Variants in RBMS3 observed in about 807,000 individuals in gnomAD.
RBMS3 encodes the protein RNA binding motif single stranded interacting protein 3.
In RBMS3, 27 loss-of-function variants were observed where a neutral mutation model predicts 66.8. The observed-to-expected ratio is 0.40, with a 90% CI of 0.30 to 0.56. RBMS3 has a LOEUF of 0.56. Ranked by LOEUF, RBMS3 falls within the 20% of genes least tolerant of loss-of-function variation. The probability of loss-of-function intolerance (pLI) is 0.40; values close to 1 mark genes in which losing one functional copy is unlikely to be tolerated. For synonymous variants in RBMS3, 188 were observed against 183.0 expected, an observed-to-expected ratio of 1.03 and a Z score of -0.22; for missense variants, 513 against 549.5, an observed-to-expected ratio of 0.93 and a Z score of 0.66.
chr3:29,835,756 G>A (rs1049339508), intron 6 of RBMS3, among the ~76,000 whole-genome samples: 7 of 151,492 alleles, frequency 4.6e-5, no homozygotes, highest in African/African-American at 1.7e-4. Flanking sequence ...TTTAGCAAAA[G>A]GAAGGAGATA....
intron 4 of RBMS3, among the ~76,000 whole-genome samples, chr3:29,599,301 A>C (rs1355298543): frequency 6.6e-6 from 1 of 151,806 alleles, no homozygotes; most frequent in Non-Finnish European, 1.5e-5. Context: ...TGGATACCCC[A>C]TTCTCCATGA....
At chr3:29,779,950 G>A (rs1027349970) in intron 6 of RBMS3, among the ~76,000 whole-genome samples, 8 of 150,572 alleles carry the variant, frequency 5.3e-5, no homozygotes, top group East Asian at 1.9e-4. Context: ...AGCACATAAC[G>A]GAATAATTAT....
chr3:29,984,591 G>GT (rs1418684607), intron 12 of RBMS3, among the ~76,000 whole-genome samples: 4 of 152,072 alleles, frequency 2.6e-5, no homozygotes, highest in Non-Finnish European at 4.4e-5. Flanking sequence ...CTTCAGATGG[G>GT]TTTTTTGTAT....
chr3:29,613,812 C>G (rs768740123), intron 4 of RBMS3, among the ~76,000 whole-genome samples: 15 of 151,890 alleles, frequency 9.9e-5, no homozygotes, highest in Non-Finnish European at 1.8e-4. Flanking sequence ...TCATACCTGT[C>G]AGAATGGCTA....
In RBMS3 at chr3:29,996,872, G is replaced by C. The variant is rs1395201678; in HGVS notation, c.1307+5663G>C. On this transcript the variant is annotated intron_variant, in intron 14 of 14. Coordinates refer to ENST00000383767, the MANE Select transcript of RBMS3 (RefSeq NM_001003793.3). ...AATTAAAAGAACTAGAAAAGCAAGAGCAAACACATTCAAAAGCTAGCAGAA... is the reference window on the plus strand; with the variant it reads ...AATTAAAAGAACTAGAAAAGCAAGACCAAACACATTCAAAAGCTAGCAGAA... Among the ~76,000 whole-genome samples the C allele has an allele frequency of 7.2e-5, 11 of 151,990 alleles. No individual in the cohort carries two copies. The South Asian group carries it at 2.3e-3, about 32-fold the overall frequency.
At chr3:29,331,815 CTT>C (rs11354452) in intron 1 of RBMS3, among the ~76,000 whole-genome samples, 18,335 of 70,304 alleles carry the variant, frequency 0.26, 1,770 homozygotes, top group Middle Eastern at 0.28. Flanking sequence ...AGGATAGCTC[CTT>C]TTTTTTTTTT....
At chr3:29,504,136 G>A (rs900340394) in intron 3 of RBMS3, among the ~76,000 whole-genome samples, 2 of 152,058 alleles carry the variant, frequency 1.3e-5, no homozygotes, top group African/African-American at 2.4e-5. Context: ...TAAGTTTAGA[G>A]AGGAAATTCT....
intron 4 of RBMS3, among the ~76,000 whole-genome samples, chr3:29,670,201 G>A (rs947977821): frequency 6.6e-6 from 1 of 152,140 alleles, no homozygotes; most frequent in Non-Finnish European, 1.5e-5. Context: ...AAATTCATGT[G>A]TTCCTTCCCC....
At chr3:29,400,899 T>A (rs2039779867) in intron 1 of RBMS3, among the ~76,000 whole-genome samples, 1 of 151,964 alleles carries the variant, frequency 6.6e-6, no homozygotes, top group African/African-American at 2.4e-5. Context: ...AACAGGAGAT[T>A]TTTGGACTGG....
intron 8 of RBMS3, 24 bp downstream of exon 8, chr3:29,884,232 T>A (rs1318223020): frequency 1.3e-6 from 2 of 1,588,466 alleles, no homozygotes; most frequent in Non-Finnish European, 1.7e-6. Context: ...ATTTTCTCTA[T>A]TTTAATTGTG....
chr3:29,380,536 T>A (rs143042137), intron 1 of RBMS3, among the ~76,000 whole-genome samples: 21 of 152,330 alleles, frequency 1.4e-4, no homozygotes, highest in East Asian at 1.3e-3. Flanking sequence ...ATTTTAATTA[T>A]CACAACAAGC....
Position 30,007,163 on chromosome 3 carries a change from A to T in RBMS3, c.*3301A>T. 1 of 152,116 alleles carries T rather than the reference A, an allele frequency of 6.6e-6. No homozygotes were observed. Among genetic ancestry groups the T allele is most frequent in the East Asian group, 1.9e-4 (1 of 5,200 alleles). The allele number at this position is 152,116 out of a possible 1,614,324, so 9.4% of individuals were successfully genotyped here. ...GAAAAAAAAGCATCAACAGGTAAGC[A>T]GCATTACATTGTGTGGTAATAAACC... On this transcript the variant is annotated 3_prime_UTR_variant, in exon 15 of 15. Transcript: ENST00000383767.
At chr3:29,571,814 T>A (rs2046962381) in intron 3 of RBMS3, among the ~76,000 whole-genome samples, 1 of 152,170 alleles carries the variant, frequency 6.6e-6, no homozygotes, top group Non-Finnish European at 1.5e-5. Context: ...GAGAAGAATG[T>A]CATTGGTATA....
intron 1 of RBMS3, 55 bp from the exon 2 acceptor site, chr3:29,434,688 C>G: frequency 6.4e-7 from 1 of 1,570,718 alleles, no homozygotes. Context: ...GTGCTGCTGG[C>G]CTGTGAATAG....
intron 3 of RBMS3, among the ~76,000 whole-genome samples, chr3:29,532,330 A>G (rs35908): frequency 0.34 from 49,345 of 144,662 alleles, 8,868 homozygotes; most frequent in Middle Eastern, 0.46. Flanking sequence ...TTAAGTTGGT[A>G]CGTCCTAAGA....
chr3:29,935,741 T>A (rs2061249695), intron 10 of RBMS3, among the ~76,000 whole-genome samples: 1 of 152,092 alleles, frequency 6.6e-6, no homozygotes, highest in African/African-American at 2.4e-5. Context: ...TTTCCACTAA[T>A]GTTCATATGT....
intron 2 of RBMS3, among the ~76,000 whole-genome samples, chr3:29,472,403 T>G (rs1183504975): frequency 6.6e-6 from 1 of 152,014 alleles, no homozygotes; most frequent in African/African-American, 2.4e-5. Context: ...ACCATGTTGA[T>G]CAGACTGGTC....
At chr3:29,988,009 A>G (rs1698547394) in intron 12 of RBMS3, 134 bp from the exon 13 acceptor site, 2 of 662,970 alleles carry the variant, frequency 3.0e-6, no homozygotes, top group South Asian at 3.8e-5. Flanking sequence ...CCTTATTTTT[A>G]GTGAAAATTG....
chr3:29,301,106 A>G (rs1235632432), intron 1 of RBMS3, among the ~76,000 whole-genome samples: 1 of 151,984 alleles, frequency 6.6e-6, no homozygotes, highest in Non-Finnish European at 1.5e-5. Flanking sequence ...TATCCAGATG[A>G]AGATGTGCTC....
Sources: gnomAD v4.1 joint callset for allele counts (sites outside exome capture counted in the v4.1 genomes callset) on GRCh38, gnomAD v4.1.1 for gene constraint, MANE v1.5 for transcripts, NCBI Gene and HGNC (gene_info 2026-07-23, HGNC 2026-07-21) for gene names.